The following CENPF variants were observed in gnomAD, a reference collection of about 807,000 sequenced individuals.
The protein encoded by CENPF is centromere protein F.
Under a neutral mutation model 307.3 loss-of-function variants are expected in CENPF, and 214 were observed. The ratio of observed to expected loss-of-function variants is 0.70; its 90% CI spans 0.62 to 0.78. The LOEUF (loss-of-function observed/expected upper bound fraction) is 0.78, where lower values mean the gene tolerates loss of function less well. Among genes scored for constraint, CENPF ranks in the 30% least tolerant of loss-of-function variants. The pLI, the probability that CENPF is intolerant of heterozygous loss-of-function variation, is 0.00. For missense variants in CENPF, 3,401 were observed against 3,483.9 expected, an observed-to-expected ratio of 0.98 and a Z score of 0.60; for synonymous variants, 1,259 against 1,270.6, an observed-to-expected ratio of 0.99 and a Z score of 0.19.
In CENPF at chr1:214,640,091, A is replaced by G. The variant is rs1215274422; in HGVS notation, c.1753A>G (p.Asn585Asp). ...AAGAGAACATCACATTGAACAACTT[A>G]ATGATAAGTTAAGCAAGACAGAGAA... ...KKREHHIEQL[N>D]DKLSKTEKES... The change falls in exon 12 of 20, where the codon AAT becomes GAT. Residue 585 changes from asparagine (N) to aspartate (D), a missense_variant. Coordinates refer to ENST00000366955, the MANE Select transcript of CENPF (RefSeq NM_016343.4). 1 of 1,593,934 alleles carries G rather than the reference A, an allele frequency of 6.3e-7. No homozygotes were observed. The highest frequency in any genetic ancestry group is 8.5e-7 in the Non-Finnish European group (1 of 1,175,158).
At chr1:214,632,726 C>G in intron 10 of CENPF, 124 bp downstream of exon 10, 1 of 1,129,974 alleles carries the variant, frequency 8.8e-7, no homozygotes, top group Non-Finnish European at 1.2e-6. Context: ...TTTCTATTCA[C>G]CAGAAGTAAG....
rs1161833141 is a variant in CENPF, at chr1:214,606,076, G to A, written c.-42+2755G>A. The A allele has an allele frequency of 5.7e-6, 9 of 1,589,720 alleles. No homozygotes were observed. In the African/African-American group the frequency reaches 8.1e-5, roughly 14 times the overall value. The stretch of plus-strand genomic sequence containing the variant: ...GGATGATGCTGTCCGGGCTGATGCC[G>A]TACCTGGAGGCGCCGGAGCAGGGTC... On this transcript the variant is annotated intron_variant, in intron 1 of 19. Coordinates refer to ENST00000366955, the MANE Select transcript of CENPF (RefSeq NM_016343.4).
Position 214,651,894 on chromosome 1 carries a change from G to T in CENPF, c.8160+8G>T. ...TTGGACACAAACAAACAGGTGAAAT[G>T]TGGGGTTTGGTTACTGGGGGAGCTG... On this transcript the variant is annotated splice_region_variant and intron_variant, in intron 15 of 19. Transcript: ENST00000366955. 8.8e-6 allele frequency: 14 copies of T among 1,590,128 alleles called. No homozygotes were observed. Among genetic ancestry groups the T allele is most frequent in the Non-Finnish European group, 1.2e-5 (14 of 1,171,906 alleles).
Position 214,643,213 on chromosome 1 carries a change from G to A in CENPF, c.4875G>A (p.Ala1625=), listed in dbSNP as rs201550181. ...SVTLEMESKL[A]AEKKQTEQLS... Reference sequence around the variant, plus strand: ...CTCTGGAGATGGAGTCCAAGTTGGCGGCAGAAAAGAAACAGACGGAACAAC... The same window carrying A: ...CTCTGGAGATGGAGTCCAAGTTGGCAGCAGAAAAGAAACAGACGGAACAAC... The change falls in exon 12 of 20, where the codon GCG becomes GCA. Residue 1625 remains alanine (A), a synonymous_variant. Coordinates refer to ENST00000366955, the MANE Select transcript of CENPF (RefSeq NM_016343.4). 1.5e-5 allele frequency: 24 copies of A among 1,603,194 alleles called. No homozygotes were observed. In the East Asian group the frequency reaches 2.5e-4, roughly 16 times the overall value.
rs78826475 is a variant in CENPF, at chr1:214,663,575, G to T, written c.9142-16G>T. 70 of 1,613,122 alleles carry T rather than the reference G, an allele frequency of 4.3e-5. No homozygotes were observed. The African/African-American group carries it at 7.5e-4, about 17-fold the overall frequency. ...TGAATGTGATTGAACCTCTAACAGAGATGTTTGTGTTGCAGGTCAAAGTTG... is the reference window on the plus strand; with the variant it reads ...TGAATGTGATTGAACCTCTAACAGATATGTTTGTGTTGCAGGTCAAAGTTG... On this transcript the variant is annotated splice_polypyrimidine_tract_variant and intron_variant, in intron 19 of 19. Coordinates refer to ENST00000366955, the MANE Select transcript of CENPF (RefSeq NM_016343.4).
intron 15 of CENPF, 72 bp downstream of exon 15, chr1:214,651,958 T>C (rs1223668430): frequency 8.5e-5 from 106 of 1,247,966 alleles, no homozygotes; most frequent in East Asian, 3.2e-4. Flanking sequence ...TTTTTTTTTT[T>C]CCAAAAAAAA....
At chr1:214,637,421 A>G (rs894891248) in intron 10 of CENPF, among the ~76,000 whole-genome samples, 4 of 151,510 alleles carry the variant, frequency 2.6e-5, no homozygotes, top group African/African-American at 7.3e-5. Context: ...GTAACAGCAA[A>G]CCTTAAGATG....
At position 214,618,796 on chromosome 1, in the gene CENPF, T is replaced by G. The variant is rs958688230; in HGVS notation, c.481+102T>G. 4.1e-6 allele frequency: 5 copies of G among 1,212,044 alleles called. No homozygotes were observed. In the African/African-American group the frequency reaches 7.7e-5, roughly 19 times the overall value. The allele number at this position is 1,212,044 out of a possible 1,614,324, so 75.1% of individuals were successfully genotyped here. A position where few individuals can be genotyped will look rare whatever the true frequency, so the allele number is the denominator to read the frequency against. On this transcript the variant is annotated intron_variant, in intron 4 of 19. Transcript: ENST00000366955. Reference sequence around the variant, plus strand: ...ATTCAACTTTGAATTAAACTTTTAATGTATATGTTTAAAAACTGCAGCCAC... The same window carrying G: ...ATTCAACTTTGAATTAAACTTTTAAGGTATATGTTTAAAAACTGCAGCCAC...
chr1:214,618,673 A>G lies in CENPF; in HGVS notation c.460A>G (p.Thr154Ala). ...TPQKIFTTPL[T>A]PSQYYSGSKY... The stretch of plus-strand genomic sequence containing the variant: ...ACAAAAAATTTTTACAACTCCACTA[A>G]CACCAAGTCAATATTATAGTGGTAA... Residue 154 changes from threonine (T) to alanine (A), a missense_variant, in exon 4 of 20, where the codon ACA becomes GCA. Thr to Ala is a moderately conservative substitution (Grantham distance 58). Transcript: ENST00000366955. 1 of 1,613,934 alleles carries G rather than the reference A, an allele frequency of 6.2e-7. No individual in the cohort carries two copies. The highest frequency in any genetic ancestry group is 8.5e-7 in the Non-Finnish European group (1 of 1,179,876).
At chr1:214,634,867 A>C (rs1657913509) in intron 10 of CENPF, among the ~76,000 whole-genome samples, 1 of 152,260 alleles carries the variant, frequency 6.6e-6, no homozygotes, top group Admixed American at 6.5e-5. Context: ...ATGCCGAAAT[A>C]ATGTGACAGT....
intron 10 of CENPF, among the ~76,000 whole-genome samples, chr1:214,635,122 C>G (rs1311033351): frequency 6.6e-6 from 1 of 152,194 alleles, no homozygotes; most frequent in Non-Finnish European, 1.5e-5. Flanking sequence ...GGGGACCTTT[C>G]CAAGCATAGG....
intron 1 of CENPF, chr1:214,608,176 C>G (rs1657090449): frequency 3.3e-6 from 3 of 917,096 alleles, no homozygotes; most frequent in Admixed American, 5.0e-5. Flanking sequence ...CTGTCCGGCT[C>G]TCTGGCCCTG....
rs146647521 is a variant in CENPF, at chr1:214,641,471, G to T, written c.3133G>T (p.Ala1045Ser). Residue 1045 changes from alanine to serine, a missense_variant, in exon 12 of 20, where the codon GCA becomes TCA. Transcript: ENST00000366955. The stretch of plus-strand genomic sequence containing the variant: ...TGAGGATCTTAGTCAAAAATACAAA[G>T]CAGCACAGGAAAAGAATTCTAAATT... ...AYEDLSQKYK[A>S]AQEKNSKLEC... 17 of 1,537,528 alleles carry T rather than the reference G, an allele frequency of 1.1e-5. No individual in the cohort carries two copies. The highest frequency in any genetic ancestry group is 1.5e-5 in the Non-Finnish European group (17 of 1,151,182).
rs201065588 is a variant in CENPF, at chr1:214,641,368, C to T, written c.3030C>T (p.Ser1010=). ...ACTATATAGATGAAAGGGAGAAAAG[C>T]ATTTCAGAGTTATCTGATCAGTACA... The part of the protein sequence containing the change: ...FANYIDEREK[S]ISELSDQYKQ... The change falls in exon 12 of 20, where the codon AGC becomes AGT. Residue 1010 remains serine, a synonymous_variant. Coordinates refer to ENST00000366955, the MANE Select transcript of CENPF (RefSeq NM_016343.4). The T allele has an allele frequency of 6.0e-5, 96 of 1,609,080 alleles. No individual in the cohort carries two copies. Among genetic ancestry groups the T allele is most frequent in the Non-Finnish European group, 8.1e-5 (96 of 1,178,870 alleles).
chr1:214,604,348 C>A (rs532263009), intron 1 of CENPF, among the ~76,000 whole-genome samples: 1 of 152,286 alleles, frequency 6.6e-6, no homozygotes, highest in East Asian at 1.9e-4. Flanking sequence ...TTTCTTCACT[C>A]CCCACCTCGA....
chr1:214,630,512 G>A, intron 8 of CENPF, 22 bp from the exon 9 acceptor site: 7 of 1,613,722 alleles, frequency 4.3e-6, no homozygotes, highest in Non-Finnish European at 5.1e-6. Context: ...TCAGGCTGAT[G>A]CACCTGCCCT....
intron 14 of CENPF, 31 bp from the exon 15 acceptor site, chr1:214,651,679 G>C (rs747201496): frequency 1.4e-6 from 2 of 1,478,256 alleles, no homozygotes; most frequent in African/African-American, 2.8e-5. Flanking sequence ...ATGAGGAGGT[G>C]CTATTATGAT....
rs557535133 is a variant in CENPF, at chr1:214,645,838, T to G, written c.6268T>G (p.Ser2090Ala). ...SESDYEKLNV[S>A]KALEAALVEK... ...ATCAGATTATGAAAAGCTGAATGTC[T>G]CCAAGGCCTTGGAGGCCGCACTGGT... The change falls in exon 13 of 20, where the codon TCC (serine) becomes GCC (alanine). Residue 2090 changes from serine to alanine, a missense_variant. By Grantham distance (99) the Ser-to-Ala change is moderately conservative (BLOSUM62 1). Coordinates refer to ENST00000366955, the MANE Select transcript of CENPF (RefSeq NM_016343.4). 2.5e-6 allele frequency: 4 copies of G among 1,614,104 alleles called. No homozygotes were observed. In the African/African-American group the frequency reaches 4.0e-5, roughly 16 times the overall value.
chr1:214,637,795 T>C, intron 10 of CENPF, 71 bp from the exon 11 acceptor site: 1 of 1,504,576 alleles, frequency 6.6e-7, no homozygotes. Context: ...CTAGGGACCT[T>C]TATTAAGGCA....
Sources: allele counts gnomAD v4.1 joint callset (sites outside exome capture counted in the v4.1 genomes callset), GRCh38; gene constraint gnomAD v4.1.1; transcripts MANE v1.5; gene names NCBI Gene and HGNC (gene_info 2026-07-23, HGNC 2026-07-21).